Variants in CPXM2 observed in about 807,000 individuals in gnomAD.
The protein encoded by CPXM2 is inactive carboxypeptidase-like protein X2.
A neutral mutation model predicts 86.1 loss-of-function variants in CPXM2; 66 were observed. That is an observed-to-expected ratio of 0.77 (90% CI 0.63 to 0.94). CPXM2 has a LOEUF of 0.94. CPXM2 is among the 40% of genes least tolerant of loss of function. The pLI, the probability that CPXM2 is intolerant of heterozygous loss-of-function variation, is 0.00. For missense variants in CPXM2, 948 were observed against 1,026.3 expected (o/e 0.92, Z 1.04); for synonymous variants, 388 against 400.2 (o/e 0.97, Z 0.36).
chr10:123,770,619 T>A (rs1034099875), intron 8 of CPXM2, among the ~76,000 whole-genome samples: 2 of 152,258 alleles, frequency 1.3e-5, no homozygotes, highest in African/African-American at 4.8e-5. Context: ...CCTGCCCACC[T>A]CAGCCACTTT....
chr10:123,831,289 A>G lies in CPXM2; in HGVS notation c.653+11060T>C, dbSNP rs112689507. Among the ~76,000 whole-genome samples the G allele has an allele frequency of 3.8e-3, 580 of 152,278 alleles. 1 individual carries two copies. The highest frequency in any genetic ancestry group is 0.013 in the African/African-American group (539 of 41,538). On this transcript the variant is annotated intron_variant, in intron 4 of 13. Transcript: ENST00000241305. The stretch of plus-strand genomic sequence containing the variant: ...TGGAATAGTTGCTTGAGGGACTGGG[A>G]AGAGAGAAACCCAGGAAAGAACTCA...
intron 6 of CPXM2, among the ~76,000 whole-genome samples, chr10:123,794,070 A>T (rs1451270620): frequency 6.6e-6 from 1 of 152,214 alleles, no homozygotes; most frequent in East Asian, 1.9e-4. Flanking sequence ...AGGAGGAAGG[A>T]TACAGTGTGT....
chr10:123,884,133 C>T (rs1024702260), intron 1 of CPXM2, among the ~76,000 whole-genome samples: 1 of 152,134 alleles, frequency 6.6e-6, no homozygotes, highest in Non-Finnish European at 1.5e-5. Context: ...TGCATCTTCC[C>T]CAGGAAATTC....
intron 3 of CPXM2, among the ~76,000 whole-genome samples, chr10:123,858,140 C>T (rs1393610054): frequency 6.6e-6 from 1 of 152,240 alleles, no homozygotes; most frequent in Non-Finnish European, 1.5e-5. Context: ...ATGACATCAT[C>T]CCTGTATCTG....
At chr10:123,858,286 C>T (rs996531432) in intron 3 of CPXM2, among the ~76,000 whole-genome samples, 7 of 152,164 alleles carry the variant, frequency 4.6e-5, no homozygotes, top group Non-Finnish European at 8.8e-5. Context: ...GTTGATTCAG[C>T]GCATCCATAT....
intron 2 of CPXM2, among the ~76,000 whole-genome samples, chr10:123,900,848 C>T (rs945502950): frequency 9.9e-5 from 15 of 152,208 alleles, no homozygotes; most frequent in Non-Finnish European, 1.6e-4. Context: ...TACATGTTAC[C>T]GTTTGAAAAA....
rs1945273480 is a variant in CPXM2, at chr10:123,891,582, C to G, written c.78G>C (p.Gln26His). 1 of 1,536,968 alleles carries G rather than the reference C, an allele frequency of 6.5e-7. No homozygotes were observed. Among genetic ancestry groups the G allele is most frequent in the African/African-American group, 1.4e-5 (1 of 71,786 alleles). ...AATCAGGGTCCTCGAGGGCTGCGCCCTGGGCTCCGACCCCGGCCAGGGTCA... is the reference window on the plus strand; with the variant it reads ...AATCAGGGTCCTCGAGGGCTGCGCCGTGGGCTCCGACCCCGGCCAGGGTCA... Reference protein sequence around the residue: ...LAVTLAGVGAQGAALEDPDYY... With the variant: ...LAVTLAGVGAHGAALEDPDYY... Residue 26 changes from glutamine to histidine, a missense_variant, in exon 1 of 14, where the codon CAG becomes CAC. Gln to His is a conservative substitution (Grantham distance 24). Coordinates refer to ENST00000241305, the MANE Select transcript of CPXM2 (RefSeq NM_198148.3). This position sits in a 1 kb window ranked among gnomAD's most constrained non-coding sequence, Gnocchi z 5.6.
chr10:123,922,212 G>A lies in CPXM2; in HGVS notation n.174+17265C>T, dbSNP rs989489698. Among the ~76,000 whole-genome samples, 11 of 151,818 alleles carry A rather than the reference G, an allele frequency of 7.2e-5. 1 individual carries two copies. In the South Asian group the frequency reaches 1.7e-3, roughly 23 times the overall value. ...GTCTCCAGACATTGCCAAATGTCCC[G>A]AGGTGCAAAATCACCCCAGTTGAGA... On this transcript the variant is annotated intron_variant and non_coding_transcript_variant, in intron 2 of 19. Coordinates refer to the CPXM2 transcript ENST00000368854.
At chr10:123,832,957 G>A (rs1043522725) in intron 4 of CPXM2, among the ~76,000 whole-genome samples, 2 of 152,274 alleles carry the variant, frequency 1.3e-5, no homozygotes, top group African/African-American at 4.8e-5. Context: ...ATGGGAGGAG[G>A]ACACAGAGTT....
chr10:123,817,268 T>C (rs1207863123), intron 4 of CPXM2, among the ~76,000 whole-genome samples: 1 of 152,170 alleles, frequency 6.6e-6, no homozygotes, highest in Non-Finnish European at 1.5e-5. Context: ...CTGTGCCACT[T>C]GGGCCATATG....
intron 4 of CPXM2, among the ~76,000 whole-genome samples, chr10:123,825,475 T>C (rs745673800): frequency 6.6e-6 from 1 of 152,206 alleles, no homozygotes; most frequent in Non-Finnish European, 1.5e-5. Flanking sequence ...TGTTCTCCCT[T>C]GGAAATATTT....
In CPXM2 at chr10:123,842,384, AGTGAATCTGGTC is replaced by A. The variant is rs1188393268; in HGVS notation, c.606_617del (p.Thr203_Thr206del). On this transcript the variant is annotated inframe_deletion, in exon 4 of 14. Coordinates refer to ENST00000241305, the MANE Select transcript of CPXM2 (RefSeq NM_198148.3). Reference sequence around the variant, plus strand: ...AGTTCCTCCCTTGAGTGATGACACCAGTGAATCTGGTCAGGCGCCGAGCATCCACTTCAATCC... The same window carrying A: ...AGTTCCTCCCTTGAGTGATGACACCAAGGCGCCGAGCATCCACTTCAATCC... 1.2e-6 allele frequency: 2 copies of A among 1,614,272 alleles called. No individual in the cohort carries two copies. Among genetic ancestry groups the A allele is most frequent in the Non-Finnish European group, 1.7e-6 (2 of 1,180,052 alleles).
At chr10:123,922,127 T>C (rs1945583798) in intron 2 of CPXM2, among the ~76,000 whole-genome samples, 1 of 152,182 alleles carries the variant, frequency 6.6e-6, no homozygotes, top group African/African-American at 2.4e-5. Flanking sequence ...GCAGCATCCC[T>C]GACCTCTACC....
At chr10:123,751,806 C>T (rs931672145) in intron 13 of CPXM2, 18 of 985,324 alleles carry the variant, frequency 1.8e-5, no homozygotes, top group Non-Finnish European at 2.0e-5. Flanking sequence ...AACAAAGAGC[C>T]GTGTGTAAAG....
intron 3 of CPXM2, among the ~76,000 whole-genome samples, chr10:123,854,266 G>T (rs1170579034): frequency 6.7e-6 from 1 of 148,414 alleles, no homozygotes; most frequent in East Asian, 2.0e-4. Flanking sequence ...GAGCCTAGGG[G>T]AAACTCAAGC....
Position 123,768,723 on chromosome 10 carries a change from C to A in CPXM2, c.1103-1G>T, listed in dbSNP as rs1038443099. On this transcript the variant is annotated splice_acceptor_variant, in intron 8 of 13. Transcript: ENST00000241305. LOFTEE classifies it high-confidence loss of function. Reference sequence around the variant, plus strand: ...GCGATGTAGTGGAACTCGGGCTCACCTTTACTCAAAGACAGAGAGAAGCAC... The same window carrying A: ...GCGATGTAGTGGAACTCGGGCTCACATTTACTCAAAGACAGAGAGAAGCAC... The A allele has an allele frequency of 1.1e-5, 17 of 1,606,934 alleles. No homozygotes were observed. Among genetic ancestry groups the A allele is most frequent in the African/African-American group, 2.7e-5 (2 of 74,910 alleles).
chr10:123,857,181 T>C (rs1188842805), intron 3 of CPXM2, among the ~76,000 whole-genome samples: 1 of 152,208 alleles, frequency 6.6e-6, no homozygotes, highest in African/African-American at 2.4e-5. Context: ...TTGGTTTTTT[T>C]CTCTAACCTT....
chr10:123,767,272 C>G lies in CPXM2; in HGVS notation c.1300-120G>C, dbSNP rs572713395. On this transcript the variant is annotated intron_variant, in intron 9 of 13. Transcript: ENST00000241305. ...GAATGTCTCTAAGCCTCTAGATGCC[C>G]TTTGACCCAAAGATGGCATCTAAAG... 5.9e-6 allele frequency: 5 copies of G among 844,204 alleles called. No individual in the cohort carries two copies. In the African/African-American group the frequency reaches 8.4e-5, roughly 14 times the overall value. 52.3% of individuals were successfully genotyped at this position (844,204 alleles called of 1,614,324 possible). A position where few individuals can be genotyped will look rare whatever the true frequency, so the allele number is the denominator to read the frequency against.
At chr10:123,796,868 C>T (rs527249872) in intron 6 of CPXM2, among the ~76,000 whole-genome samples, 8 of 152,284 alleles carry the variant, frequency 5.3e-5, no homozygotes, top group African/African-American at 1.4e-4. Context: ...AGCCTGACTG[C>T]GTGGGTGGAC....
Sources: allele counts gnomAD v4.1 joint callset (sites outside exome capture counted in the v4.1 genomes callset), GRCh38; gene constraint gnomAD v4.1.1; non-coding constraint Gnocchi (gnomAD v3.1); transcripts MANE v1.5; gene names NCBI Gene and HGNC (gene_info 2026-07-23, HGNC 2026-07-21).